GALNT2: variants seen among roughly 807,000 people sequenced by gnomAD.
The protein encoded by GALNT2 is UDP-GalNAc:polypeptide N-acetylgalactosaminyltransferase 2.
GALNT2 carries 31 observed loss-of-function variants against 81.4 expected under a neutral mutation model. The ratio of observed to expected loss-of-function variants is 0.38; its 90% confidence interval spans 0.29 to 0.51. GALNT2 has a LOEUF of 0.51. Ranked by LOEUF, GALNT2 falls within the 20% of genes least tolerant of loss-of-function variation. The pLI, the probability that GALNT2 is intolerant of heterozygous loss-of-function variation, is 0.87. For synonymous variants in GALNT2, 303 were observed against 287.4 expected, an observed-to-expected ratio of 1.05 and a Z score of -0.55; for missense variants, 629 against 765.7, an observed-to-expected ratio of 0.82 and a Z score of 2.11.
At chr1:230,093,563 C>A (rs868506378) in intron 1 of GALNT2, among the ~76,000 whole-genome samples, 2 of 152,168 alleles carry the variant, frequency 1.3e-5, no homozygotes, top group East Asian at 3.9e-4. Flanking sequence ...GTGGTTGTTA[C>A]GGGGAAGGTT....
chr1:230,236,615 T>C, intron 5 of GALNT2, 45 bp from the exon 6 acceptor site: 1 of 1,585,456 alleles, frequency 6.3e-7, no homozygotes, highest in South Asian at 1.1e-5. Context: ...CAAAGCCCTT[T>C]ATGAACTCCA....
rs1024460605 is a variant in GALNT2 at position 230,243,633 on chromosome 1, C to T, written c.729+206C>T. Among the ~76,000 whole-genome samples, 1 of 152,174 alleles carries T rather than the reference C, an allele frequency of 6.6e-6. No homozygotes were observed. Among genetic ancestry groups the T allele is most frequent in the African/African-American group, 2.4e-5 (1 of 41,428 alleles). On this transcript the variant is annotated intron_variant, in intron 7 of 15. Coordinates refer to ENST00000366672, the MANE Select transcript of GALNT2 (RefSeq NM_004481.5). The surrounding 1 kb of genome is among the most constrained non-coding windows in gnomAD (Gnocchi z 4.2). ...GACTGTTTTACTGGCTGTAGGAATC[C>T]ATCAGTAGGAGGAACCATCCGTTGA...
At chr1:230,232,933 C>T (rs2102733072) in intron 3 of GALNT2, among the ~76,000 whole-genome samples, 1 of 152,270 alleles carries the variant, frequency 6.6e-6, no homozygotes, top group East Asian at 1.9e-4. Flanking sequence ...GTATATTATG[C>T]AATTTCTCAT....
At chr1:230,159,613 G>A (rs771150340) in intron 1 of GALNT2, among the ~76,000 whole-genome samples, 1 of 152,222 alleles carries the variant, frequency 6.6e-6, no homozygotes, top group Non-Finnish European at 1.5e-5. Flanking sequence ...GGGGGAAACC[G>A]TGAAGTGTGC....
intron 1 of GALNT2, among the ~76,000 whole-genome samples, chr1:230,075,037 G>A (rs1374799353): frequency 6.8e-6 from 1 of 147,966 alleles, no homozygotes; most frequent in Middle Eastern, 3.4e-3. Flanking sequence ...CTCATACTGC[G>A]GCCTCATTTG....
At chr1:230,188,988 G>A (rs1558131265) in intron 2 of GALNT2, among the ~76,000 whole-genome samples, 1 of 152,056 alleles carries the variant, frequency 6.6e-6, no homozygotes, top group Non-Finnish European at 1.5e-5. Context: ...GGCCGGAAGA[G>A]GAGCAGGGGC....
chr1:230,174,982 C>T (rs638097), intron 1 of GALNT2, among the ~76,000 whole-genome samples: 34,405 of 151,844 alleles, frequency 0.23, 4,613 homozygotes, highest in East Asian at 0.38. Context: ...GCCTCTGGGC[C>T]GTTGTTCCCC....
At chr1:230,255,484 A>G in intron 11 of GALNT2, 140 bp downstream of exon 11, 2 of 1,157,542 alleles carry the variant, frequency 1.7e-6, no homozygotes, top group Non-Finnish European at 2.5e-6. Context: ...TAGCAATTGA[A>G]AGGCGCATTC....
chr1:230,273,227 A>C (rs190072288), intron 14 of GALNT2, among the ~76,000 whole-genome samples: 78 of 152,362 alleles, frequency 5.1e-4, no homozygotes, highest in African/African-American at 1.8e-3. Flanking sequence ...CATAGCACAT[A>C]ATAGTGCCTG....
chr1:230,265,380 G>A lies in GALNT2; in HGVS notation c.1440+13G>A. On this transcript the variant is annotated intron_variant, in intron 14 of 15. Transcript: ENST00000366672. ...TGGGGGAAACCAGGTATGTGCATGG[G>A]GAAGCCAGGTCACCTGCAGGCCCAG... 1 of 1,614,194 alleles carries A rather than the reference G, an allele frequency of 6.2e-7. No homozygotes were observed.
intron 1 of GALNT2, among the ~76,000 whole-genome samples, chr1:230,100,942 TA>T (rs565595897): frequency 4.7e-4 from 72 of 152,352 alleles, no homozygotes; most frequent in African/African-American, 1.6e-3. Context: ...AGTGGTCCCG[TA>T]AGATTATAAT....
At chr1:230,067,551 C>T (rs1363711088) in intron 1 of GALNT2, 145 bp downstream of exon 1, 1 of 285,134 alleles carries the variant, frequency 3.5e-6, no homozygotes, top group Non-Finnish European at 6.3e-6. Context: ...GCCTCCGCGC[C>T]GAGTGCCCAG....
intron 10 of GALNT2, 59 bp downstream of exon 10, chr1:230,250,619 G>A: frequency 2.3e-6 from 3 of 1,326,474 alleles, no homozygotes; most frequent in Non-Finnish European, 1.0e-6. Flanking sequence ...AAAAGGCAGG[G>A]TGCCAATTGG....
At chr1:230,061,657 G>T (rs1659051661) in intron 1 of GALNT2, among the ~76,000 whole-genome samples, 1 of 151,702 alleles carries the variant, frequency 6.6e-6, no homozygotes, top group African/African-American at 2.4e-5. Flanking sequence ...CAAAATTTAA[G>T]CCTGGAAAAA....
chr1:230,253,912 C>T (rs1049357874), intron 10 of GALNT2, among the ~76,000 whole-genome samples: 4 of 151,972 alleles, frequency 2.6e-5, no homozygotes, highest in Non-Finnish European at 5.9e-5. Context: ...TGGGTGAAAA[C>T]ATGGTATTCA....
intron 4 of GALNT2, 29 bp downstream of exon 4, chr1:230,236,141 G>A (rs1388836993): frequency 6.3e-7 from 1 of 1,598,416 alleles, no homozygotes; most frequent in Non-Finnish European, 8.6e-7. Flanking sequence ...TTACCTGTCA[G>A]GGGTGTTAAG....
intron 1 of GALNT2, among the ~76,000 whole-genome samples, chr1:230,072,572 C>T (rs2102743938): frequency 6.6e-6 from 1 of 152,284 alleles, no homozygotes; most frequent in African/African-American, 2.4e-5. Context: ...GGTTTTTGTG[C>T]TTTTGTCCTT....
chr1:230,238,409 T>C (rs900545705), intron 6 of GALNT2, among the ~76,000 whole-genome samples: 1 of 152,088 alleles, frequency 6.6e-6, no homozygotes, highest in African/African-American at 2.4e-5. Context: ...TTTCTCTGGG[T>C]GGGGTGTGGG....
At chr1:230,214,966 T>C (rs1007498698) in intron 3 of GALNT2, among the ~76,000 whole-genome samples, 1 of 152,228 alleles carries the variant, frequency 6.6e-6, no homozygotes, top group Non-Finnish European at 1.5e-5. Flanking sequence ...TATGAATAAA[T>C]ACCGAGATAT....
Sources: gnomAD v4.1 joint callset for allele counts (sites outside exome capture counted in the v4.1 genomes callset) on GRCh38, gnomAD v4.1.1 for gene constraint, Gnocchi (gnomAD v3.1) non-coding constraint, MANE v1.5 for transcripts, NCBI Gene and HGNC (gene_info 2026-07-23, HGNC 2026-07-21) for gene names.